The following PRKN variants were observed in gnomAD, a reference collection of about 807,000 sequenced individuals.
PRKN encodes E3 ubiquitin-protein ligase parkin.
A neutral mutation model predicts 59.5 loss-of-function variants in PRKN; 56 were observed. The observed-to-expected ratio is 0.94, with a 90% CI of 0.76 to 1.18. PRKN has a LOEUF of 1.18. Ranked by LOEUF, PRKN falls within the 50% of genes most tolerant of loss-of-function variation. The pLI is 0.00. For synonymous variants in PRKN, 250 were observed against 222.1 expected, an observed-to-expected ratio of 1.13 and a Z score of -1.12; for missense variants, 657 against 596.4, an observed-to-expected ratio of 1.10 and a Z score of -1.06.
intron 3 of PRKN, among the ~76,000 whole-genome samples, chr6:162,260,668 A>G (rs533005451): frequency 1.8e-4 from 27 of 152,312 alleles, no homozygotes; most frequent in African/African-American, 6.0e-4. Flanking sequence ...AATATGGTTG[A>G]TAAGAGAGTA....
chr6:162,300,873 A>G (rs1421800171), intron 2 of PRKN, among the ~76,000 whole-genome samples: 1 of 152,158 alleles, frequency 6.6e-6, no homozygotes, highest in African/African-American at 2.4e-5. Context: ...CATTAACAAA[A>G]TAAAATGCAT....
intron 2 of PRKN, among the ~76,000 whole-genome samples, chr6:162,356,297 C>T (rs1435487931): frequency 6.6e-6 from 1 of 152,012 alleles, no homozygotes; most frequent in Non-Finnish European, 1.5e-5. Flanking sequence ...ACTCTGTGGT[C>T]CTAAATTGTG....
At chr6:162,060,477 C>A (rs1778054629) in intron 4 of PRKN, among the ~76,000 whole-genome samples, 1 of 152,118 alleles carries the variant, frequency 6.6e-6, no homozygotes, top group Non-Finnish European at 1.5e-5. Context: ...AGAAAAATGA[C>A]CCCACAGAGG....
chr6:161,832,979 A>C (rs1792573398), intron 6 of PRKN, among the ~76,000 whole-genome samples: 1 of 152,140 alleles, frequency 6.6e-6, no homozygotes, highest in Non-Finnish European at 1.5e-5. Flanking sequence ...ATTGAGGAGC[A>C]GTCCTAGAGG....
intron 2 of PRKN, among the ~76,000 whole-genome samples, chr6:162,341,612 A>C (rs1204706986): frequency 6.6e-6 from 1 of 152,148 alleles, no homozygotes; most frequent in African/African-American, 2.4e-5. Flanking sequence ...TTGCAGGGAC[A>C]TGGATGAAGG....
At chr6:162,512,328 AG>A (rs1192995942) in intron 1 of PRKN, among the ~76,000 whole-genome samples, 2 of 152,182 alleles carry the variant, frequency 1.3e-5, no homozygotes, top group Non-Finnish European at 2.9e-5. Context: ...TACTCACAAA[AG>A]GGGGGAAAAC....
chr6:162,369,777 C>A (rs955707739), intron 2 of PRKN, among the ~76,000 whole-genome samples: 1 of 152,144 alleles, frequency 6.6e-6, no homozygotes, highest in Admixed American at 6.6e-5. Flanking sequence ...TTTATAATAA[C>A]AGAAATAACC....
At chr6:162,303,545 G>C (rs753405278) in intron 2 of PRKN, among the ~76,000 whole-genome samples, 5 of 152,006 alleles carry the variant, frequency 3.3e-5, no homozygotes, top group Middle Eastern at 3.2e-3. Flanking sequence ...TACCTACTGG[G>C]TATACTAGAA....
At chr6:162,535,826 T>A (rs1319571834) in intron 1 of PRKN, among the ~76,000 whole-genome samples, 1 of 151,422 alleles carries the variant, frequency 6.6e-6, no homozygotes, top group Non-Finnish European at 1.5e-5. Flanking sequence ...GAGGATTGCT[T>A]GAGCCTGGGA....
chr6:161,757,799 T>G (rs369796041), intron 7 of PRKN, among the ~76,000 whole-genome samples: 2 of 138,196 alleles, frequency 1.4e-5, no homozygotes, highest in Admixed American at 7.6e-5. Flanking sequence ...GATCGCACCA[T>G]TGCACTCCAG....
intron 1 of PRKN, among the ~76,000 whole-genome samples, chr6:162,540,272 C>G (rs913082567): frequency 6.6e-6 from 1 of 151,988 alleles, no homozygotes; most frequent in African/African-American, 2.4e-5. Context: ...CTCTGTCACA[C>G]AGGCTGAAGT....
rs1442547712 is a variant in PRKN, at chr6:162,569,333, C to T, written c.8-125860G>A. 12 of 623,580 alleles carry T rather than the reference C, an allele frequency of 1.9e-5. No individual in the cohort carries two copies. The Admixed American group carries it at 2.1e-4, about 11-fold the overall frequency. The allele number at this position is 623,580 out of a possible 1,614,324, so 38.6% of individuals were successfully genotyped here. ...GGCCATTAAGGATGCCAACACCAAG[C>T]TGTCCAAGCTGGAGGCTGCCCTGCA... is the stretch of plus-strand genomic sequence containing the variant. On this transcript the variant is annotated intron_variant, in intron 1 of 11. Transcript: ENST00000366898.
intron 4 of PRKN, among the ~76,000 whole-genome samples, chr6:162,058,957 G>GAA (rs553927046): frequency 0.015 from 1,341 of 87,256 alleles, 25 homozygotes; most frequent in African/African-American, 0.047. Context: ...GCCTCAACAA[G>GAA]AAAAAAAAAA....
At chr6:161,437,745 A>G (rs1349964772) in intron 9 of PRKN, among the ~76,000 whole-genome samples, 1 of 152,204 alleles carries the variant, frequency 6.6e-6, no homozygotes, top group Non-Finnish European at 1.5e-5. Context: ...GCCTTTCTCA[A>G]AGTAGTAACA....
At chr6:161,765,379 C>T (rs757803468) in intron 7 of PRKN, among the ~76,000 whole-genome samples, 2 of 152,156 alleles carry the variant, frequency 1.3e-5, no homozygotes, top group Admixed American at 1.3e-4. Flanking sequence ...TTGCAAATCT[C>T]ATTATCAGCT....
rs1780907906 is a variant in PRKN at position 161,973,528 on chromosome 6, G to A, written c.619-111C>T. The A allele has an allele frequency of 1.8e-5, 13 of 710,748 alleles. No homozygotes were observed. In the South Asian group the frequency reaches 1.9e-4, roughly 11 times the overall value. 44.0% of individuals were successfully genotyped at this position (710,748 alleles called of 1,614,324 possible). Reference sequence around the variant, plus strand: ...GGACAAGAGAAGAAATCTGTTACGAGGTGTGAGATGGAAATAAATCAGCAT... The same window carrying A: ...GGACAAGAGAAGAAATCTGTTACGAAGTGTGAGATGGAAATAAATCAGCAT... On this transcript the variant is annotated intron_variant, in intron 5 of 11. Transcript: ENST00000366898.
chr6:162,399,502 T>C (rs1277244108), intron 2 of PRKN, among the ~76,000 whole-genome samples: 1 of 152,126 alleles, frequency 6.6e-6, no homozygotes, highest in Non-Finnish European at 1.5e-5. Context: ...TACATGTCCA[T>C]GAAACCCAAG....
chr6:161,732,874 G>A (rs1162572867), intron 7 of PRKN, among the ~76,000 whole-genome samples: 2 of 152,174 alleles, frequency 1.3e-5, no homozygotes, highest in African/African-American at 4.8e-5. Context: ...TGTTAGCAGT[G>A]AGCAGATTGA....
At chr6:162,453,010 G>C (rs1422412880) in intron 1 of PRKN, among the ~76,000 whole-genome samples, 1 of 152,128 alleles carries the variant, frequency 6.6e-6, no homozygotes, top group East Asian at 1.9e-4. Context: ...AGAAACTTAA[G>C]ACTATGCTGC....
Sources: allele counts gnomAD v4.1 joint callset (sites outside exome capture counted in the v4.1 genomes callset), GRCh38; gene constraint gnomAD v4.1.1; transcripts MANE v1.5; gene names NCBI Gene and HGNC (gene_info 2026-07-23, HGNC 2026-07-21).